Variants in GAS7 observed in about 807,000 individuals in gnomAD.
The protein encoded by GAS7 is growth arrest-specific protein 7.
In GAS7, 28 loss-of-function variants were observed where a neutral mutation model predicts 71.1. The observed-to-expected ratio is 0.39, with a 90% CI of 0.29 to 0.54. The LOEUF is 0.54. GAS7 is among the 20% of genes least tolerant of loss of function. The pLI, the probability that GAS7 is intolerant of heterozygous loss-of-function variation, is 0.62. For synonymous variants in GAS7, 258 were observed against 245.8 expected (o/e 1.05, Z -0.46); for missense variants, 436 against 627.8 (o/e 0.69, Z 3.27).
chr17:10,103,082 T>G lies in GAS7; in HGVS notation c.184-83185A>C, dbSNP rs189555119. On this transcript the variant is annotated intron_variant, in intron 1 of 13. Coordinates refer to ENST00000432992, the MANE Select transcript of GAS7 (RefSeq NM_201433.2). This position sits in a 1 kb window ranked among gnomAD's most constrained non-coding sequence, Gnocchi z 5.5. ...TTTAACAAACCCTGACCGGACGTAG[T>G]GGCTCACACCTGTAATCCCAGCATT... 4.6e-4 allele frequency among the ~76,000 whole-genome samples: 70 copies of G among 152,260 alleles called. No homozygotes were observed. The highest frequency in any genetic ancestry group is 9.3e-4 in the Non-Finnish European group (63 of 68,022).
At chr17:10,161,685 T>G (rs2074257072) in intron 1 of GAS7, among the ~76,000 whole-genome samples, 1 of 152,160 alleles carries the variant, frequency 6.6e-6, no homozygotes, top group Non-Finnish European at 1.5e-5. Flanking sequence ...TTAAATCAAA[T>G]ATGCCCTCCA....
intron 2 of GAS7, among the ~76,000 whole-genome samples, chr17:10,011,551 T>C (rs1157810901): frequency 6.6e-6 from 1 of 152,198 alleles, no homozygotes; most frequent in African/African-American, 2.4e-5. Flanking sequence ...CAGCATCACT[T>C]GGCATTGTTC....
chr17:10,121,272 T>C (rs2073902735), intron 1 of GAS7, among the ~76,000 whole-genome samples: 1 of 152,106 alleles, frequency 6.6e-6, no homozygotes, highest in South Asian at 2.1e-4. Flanking sequence ...TCCCAGCGAC[T>C]TGGGAGGCTG....
chr17:9,951,398 G>A (rs180955123), intron 5 of GAS7, among the ~76,000 whole-genome samples: 22 of 152,300 alleles, frequency 1.4e-4, no homozygotes, highest in Admixed American at 7.8e-4. Flanking sequence ...CCTTTCCATC[G>A]TCTTTCCTCA....
intron 2 of GAS7, among the ~76,000 whole-genome samples, chr17:10,010,395 G>T (rs887518038): frequency 1.3e-5 from 2 of 151,928 alleles, no homozygotes; most frequent in East Asian, 3.9e-4. Flanking sequence ...CTGGTGATCC[G>T]CCCGCCTCAG....
At chr17:9,948,816 G>C (rs1301056141) in intron 5 of GAS7, among the ~76,000 whole-genome samples, 2 of 152,214 alleles carry the variant, frequency 1.3e-5, no homozygotes, top group East Asian at 3.8e-4. Context: ...TTTCCCCATT[G>C]TGTGGAGGTG....
rs1349126457 is a variant in GAS7 at position 9,925,497 on chromosome 17, G to T, written c.1117C>A (p.Arg373=). ...TTACCAGCCTGTGTGGACTTTCTCC[G>T]CGCCTTCTTGATGTCCTCCTCTGTC... ...NKTEEDIKKA[R]RKSTQAGDDL... The change falls in exon 11 of 14, where the codon CGG becomes AGG. Residue 373 remains arginine (R), a synonymous_variant. Transcript: ENST00000432992. The T allele has an allele frequency of 6.2e-7, 1 of 1,614,130 alleles. No homozygotes were observed. Among genetic ancestry groups the T allele is most frequent in the Non-Finnish European group, 8.5e-7 (1 of 1,180,008 alleles).
In GAS7 at chr17:9,919,969, T is replaced by TTG. The variant is rs34994635; in HGVS notation, c.1139-266_1139-265dup. Among the ~76,000 whole-genome samples the TTG allele has an allele frequency of 0.18, 23,355 of 131,210 alleles. 2,326 individuals carry two copies. Among genetic ancestry groups the TTG allele is most frequent in the East Asian group, 0.24 (1,003 of 4,246 alleles). The allele number at this position is 131,210 out of a possible 152,430, so 86.1% of individuals were successfully genotyped here. ...AGGATTCAGGATGGTGGTTCTCATT[T>TTG]TGTGTGTGTGTGTGTGTGTGTGTGT... On this transcript the variant is annotated intron_variant, in intron 11 of 13. Coordinates refer to ENST00000432992, the MANE Select transcript of GAS7 (RefSeq NM_201433.2). This position sits in a 1 kb window ranked among gnomAD's most constrained non-coding sequence, Gnocchi z 5.0.
intron 1 of GAS7, among the ~76,000 whole-genome samples, chr17:10,193,113 A>C (rs1038716410): frequency 2.0e-5 from 3 of 152,174 alleles, no homozygotes; most frequent in African/African-American, 7.2e-5. Context: ...TATGTCTATG[A>C]ATCATCAGCA....
chr17:10,052,059 T>C (rs1374052354), intron 1 of GAS7, among the ~76,000 whole-genome samples: 1 of 152,116 alleles, frequency 6.6e-6, no homozygotes, highest in Non-Finnish European at 1.5e-5. Context: ...TTGAACCCAG[T>C]AGTCTGTCTC....
At chr17:10,167,621 C>T (rs188712125) in intron 1 of GAS7, among the ~76,000 whole-genome samples, 104 of 152,246 alleles carry the variant, frequency 6.8e-4, no homozygotes, top group Admixed American at 2.1e-3. Flanking sequence ...GAAGAGTCAT[C>T]GAACACAGGC....
At chr17:9,996,478 G>A (rs1466194380) in intron 2 of GAS7, among the ~76,000 whole-genome samples, 1 of 149,828 alleles carries the variant, frequency 6.7e-6, no homozygotes, top group African/African-American at 2.5e-5. Flanking sequence ...GTTAAATGAC[G>A]ATTTAATGGG....
At chr17:9,944,719 G>A (rs951444600) in intron 6 of GAS7, among the ~76,000 whole-genome samples, 6 of 152,238 alleles carry the variant, frequency 3.9e-5, no homozygotes, top group South Asian at 2.1e-4. Flanking sequence ...GGTCACAGTC[G>A]GGCTGTTCTT....
intron 1 of GAS7, among the ~76,000 whole-genome samples, chr17:10,049,860 T>C (rs1370784941): frequency 6.6e-6 from 1 of 152,074 alleles, no homozygotes; most frequent in Non-Finnish European, 1.5e-5. Context: ...AACCTTGTGA[T>C]CCACCCACCT....
chr17:9,940,129 T>G lies in GAS7; in HGVS notation c.803A>C (p.Glu268Ala). The change falls in exon 8 of 14, where the codon GAA becomes GCA. Residue 268 changes from glutamate (E) to alanine (A), a missense_variant. Physicochemically the swap from Glu to Ala is moderately radical, Grantham distance 107. Coordinates refer to ENST00000432992, the MANE Select transcript of GAS7 (RefSeq NM_201433.2). ...CACCTCTCTCCTACCCACTCACCCT[T>G]CCTCCTGTGAAGCCAAGGAGTTCTG... ...LSQNSLASQE[E>A]GSLGEAWAQV... is the part of the protein sequence containing the mutation. 1 of 1,572,430 alleles carries G rather than the reference T, an allele frequency of 6.4e-7. No homozygotes were observed. Among genetic ancestry groups the G allele is most frequent in the Non-Finnish European group, 8.8e-7 (1 of 1,141,990 alleles).
At chr17:9,965,044 A>T (rs2069649909) in intron 4 of GAS7, among the ~76,000 whole-genome samples, 1 of 152,176 alleles carries the variant, frequency 6.6e-6, no homozygotes, top group South Asian at 2.1e-4. Flanking sequence ...GGTGGATCAC[A>T]AAAAGGCCCA....
chr17:10,025,583 T>TAA (rs1192125530), intron 1 of GAS7, among the ~76,000 whole-genome samples: 7 of 139,324 alleles, frequency 5.0e-5, no homozygotes, highest in Non-Finnish European at 9.4e-5. Context: ...ATTCCTCCTT[T>TAA]AAAAAAAAAA....
chr17:10,130,326 A>AT (rs199906351), intron 1 of GAS7, among the ~76,000 whole-genome samples: 1,483 of 133,846 alleles, frequency 0.011, 23 homozygotes, highest in African/African-American at 0.038. Context: ...AACAGCTATG[A>AT]TTTAAAAAAA....
At chr17:9,999,295 A>T (rs1162044669) in intron 2 of GAS7, among the ~76,000 whole-genome samples, 1 of 152,140 alleles carries the variant, frequency 6.6e-6, no homozygotes, top group Non-Finnish European at 1.5e-5. Flanking sequence ...AGGCAGGTGG[A>T]ACACTTGAGG....
Sources: allele counts gnomAD v4.1 joint callset (sites outside exome capture counted in the v4.1 genomes callset), GRCh38; gene constraint gnomAD v4.1.1; non-coding constraint Gnocchi (gnomAD v3.1); transcripts MANE v1.5; gene names NCBI Gene and HGNC (gene_info 2026-07-23, HGNC 2026-07-21).